The following MCCC1 variants were observed in gnomAD, a reference collection of about 807,000 sequenced individuals.
MCCC1 encodes methylcrotonyl-CoA carboxylase subunit 1, also known as methylcrotonoyl-CoA carboxylase subunit alpha, mitochondrial.
Under a neutral mutation model 83.8 loss-of-function variants are expected in MCCC1, and 64 were observed. The ratio of observed to expected loss-of-function variants is 0.76; its 90% confidence interval spans 0.62 to 0.94. MCCC1 has a LOEUF of 0.94. MCCC1 is among the 40% of genes least tolerant of loss of function. The pLI is 0.00. For missense variants in MCCC1, 807 were observed against 904.7 expected, an observed-to-expected ratio of 0.89 and a Z score of 1.39; for synonymous variants, 322 against 315.4, an observed-to-expected ratio of 1.02 and a Z score of -0.22.
At chr3:183,091,263 C>T (rs1327744830) in intron 3 of MCCC1, among the ~76,000 whole-genome samples, 37 of 152,080 alleles carry the variant, frequency 2.4e-4, no homozygotes, top group Admixed American at 2.3e-3. Flanking sequence ...GGAGTTATTT[C>T]TGGTGGATAA....
chr3:183,081,797 G>A (rs1717518119), intron 4 of MCCC1, among the ~76,000 whole-genome samples: 1 of 152,176 alleles, frequency 6.6e-6, no homozygotes, highest in Admixed American at 6.5e-5. Context: ...GGCTCAACAT[G>A]GCTTGACATG....
intron 7 of MCCC1, among the ~76,000 whole-genome samples, chr3:183,068,547 T>C (rs1281532794): frequency 1.3e-5 from 2 of 152,244 alleles, no homozygotes; most frequent in Non-Finnish European, 2.9e-5. Flanking sequence ...GCTCTGTCTA[T>C]GGAGTAGCCA....
At chr3:183,068,209 C>T (rs1399103817) in intron 7 of MCCC1, among the ~76,000 whole-genome samples, 1 of 152,202 alleles carries the variant, frequency 6.6e-6, no homozygotes, top group African/African-American at 2.4e-5. Flanking sequence ...TGCTGGGCTG[C>T]ATTCCCAGTA....
chr3:183,033,487 A>G (rs1713253194), intron 14 of MCCC1, among the ~76,000 whole-genome samples: 1 of 152,224 alleles, frequency 6.6e-6, no homozygotes, highest in Non-Finnish European at 1.5e-5. Context: ...CTTACATCAG[A>G]TAAGGCACTT....
At chr3:183,084,846 C>T (rs2108549971) in intron 4 of MCCC1, among the ~76,000 whole-genome samples, 1 of 152,194 alleles carries the variant, frequency 6.6e-6, no homozygotes, top group East Asian at 1.9e-4. Flanking sequence ...TGCTTGAACC[C>T]TCACTGCTGC....
chr3:183,110,135 C>T (rs1719469845), intron 1 of MCCC1, among the ~76,000 whole-genome samples: 3 of 152,128 alleles, frequency 2.0e-5, no homozygotes. Flanking sequence ...CCTATAGATT[C>T]TGGGTATTAG....
upstream of MCCC1, among the ~76,000 whole-genome samples, chr3:183,103,843 C>CG (rs1719361240): frequency 6.6e-6 from 1 of 152,158 alleles, no homozygotes; most frequent in South Asian, 2.1e-4. Flanking sequence ...GCCCACGGAG[C>CG]GGGGGGAGGC....
At chr3:183,026,416 A>C (rs1347794195) in intron 14 of MCCC1, among the ~76,000 whole-genome samples, 1 of 152,206 alleles carries the variant, frequency 6.6e-6, no homozygotes, top group East Asian at 1.9e-4. Context: ...CAGTATTATA[A>C]TTTTAAAAAT....
chr3:183,055,252 A>G (rs549056048), intron 8 of MCCC1, among the ~76,000 whole-genome samples: 96 of 151,828 alleles, frequency 6.3e-4, no homozygotes, highest in African/African-American at 2.3e-3. Flanking sequence ...AAAATAGAAA[A>G]AAAAAAAAAA....
At chr3:183,045,762 G>C (rs773780734) in intron 9 of MCCC1, among the ~76,000 whole-genome samples, 5 of 152,184 alleles carry the variant, frequency 3.3e-5, no homozygotes, top group Non-Finnish European at 5.9e-5. Context: ...TTGGGGTTGT[G>C]AGCAAATGGT....
At chr3:183,068,507 T>C (rs1716419219) in intron 7 of MCCC1, among the ~76,000 whole-genome samples, 1 of 152,172 alleles carries the variant, frequency 6.6e-6, no homozygotes, top group South Asian at 2.1e-4. Context: ...GAAATAACCA[T>C]AAAAATGGCA....
chr3:183,091,806 A>G (rs111716486), intron 3 of MCCC1, among the ~76,000 whole-genome samples: 21,750 of 152,086 alleles, frequency 0.14, 1,670 homozygotes, highest in East Asian at 0.21. Context: ...TGGGAGGCCA[A>G]GGTGGGCGGA....
chr3:183,062,591 G>A (rs375305884), intron 7 of MCCC1, among the ~76,000 whole-genome samples: 2 of 152,142 alleles, frequency 1.3e-5, no homozygotes, highest in Non-Finnish European at 2.9e-5. Flanking sequence ...CTGAGCTCAG[G>A]CAATCTGCCC....
intron 7 of MCCC1, among the ~76,000 whole-genome samples, chr3:183,070,733 CAAA>C (rs11313652): frequency 1.4e-5 from 2 of 143,578 alleles, no homozygotes; most frequent in Admixed American, 6.9e-5. Context: ...AGACTCCGTC[CAAA>C]AAAAAAAAAA....
At chr3:183,068,861 AGCT>A (rs1425717339) in intron 7 of MCCC1, among the ~76,000 whole-genome samples, 1 of 152,240 alleles carries the variant, frequency 6.6e-6, no homozygotes, top group Non-Finnish European at 1.5e-5. Flanking sequence ...ACAGGTTTGT[AGCT>A]CAGGAGCAAT....
In MCCC1 at chr3:183,015,580, T is replaced by A; in HGVS notation, c.2050-14A>T. ...CTTTATGGTATGCTGCAGAGACACA[T>A]GACAGGACAAATGATAGCTGCAATA... On this transcript the variant is annotated splice_polypyrimidine_tract_variant and intron_variant, in intron 18 of 18. Coordinates refer to ENST00000265594, the MANE Select transcript of MCCC1 (RefSeq NM_020166.5). The A allele has an allele frequency of 6.2e-7, 1 of 1,614,072 alleles. No homozygotes were observed. Among genetic ancestry groups the A allele is most frequent in the Non-Finnish European group, 8.5e-7 (1 of 1,179,970 alleles).
intron 1 of MCCC1, among the ~76,000 whole-genome samples, chr3:183,106,570 C>T (rs1322795868): frequency 6.6e-6 from 1 of 151,368 alleles, no homozygotes; most frequent in African/African-American, 2.5e-5. Context: ...GCAATCTCAG[C>T]TCACTGCAAC....
At chr3:183,084,746 G>A (rs572914085) in intron 4 of MCCC1, among the ~76,000 whole-genome samples, 2 of 151,848 alleles carry the variant, frequency 1.3e-5, no homozygotes, top group South Asian at 4.2e-4. Context: ...ACACAGGGAG[G>A]CTCCATCTCT....
chr3:183,015,440 A>C lies in MCCC1; in HGVS notation c.2176T>G (p.Ter726GluextTer10). 1 of 1,614,168 alleles carries C rather than the reference A, an allele frequency of 6.2e-7. No individual in the cohort carries two copies. The highest frequency in any genetic ancestry group is 2.2e-5 in the East Asian group (1 of 44,886). The change falls in exon 19 of 19, where the codon TAA becomes GAA. Residue 726 changes from the stop codon to glutamate, a stop_lost. Transcript: ENST00000265594. ...EEESDKRESE[*>E] ...ACTGGCCATTTCCTTGCTGGAGTTT[A>C]TTCCGATTCCCTTTTGTCTGATTCT...
Sources: gnomAD v4.1 joint callset for allele counts (sites outside exome capture counted in the v4.1 genomes callset) on GRCh38, gnomAD v4.1.1 for gene constraint, MANE v1.5 for transcripts, NCBI Gene and HGNC (gene_info 2026-07-23, HGNC 2026-07-21) for gene names.